DNAI1: variants seen among roughly 807,000 people sequenced by gnomAD.
The protein encoded by DNAI1 is dynein, axonemal, intermediate polypeptide 1.
In DNAI1, 67 loss-of-function variants were observed where a neutral mutation model predicts 92.0. That is an observed-to-expected ratio of 0.73 (90% confidence interval 0.60 to 0.89). The LOEUF is 0.89. Among genes scored for constraint, DNAI1 ranks in the 40% least tolerant of loss-of-function variants. DNAI1 has a pLI of 0.00. For missense variants in DNAI1, 839 were observed against 866.6 expected (o/e 0.97, Z 0.40); for synonymous variants, 323 against 319.6 (o/e 1.01, Z -0.11).
At chr9:34,472,826 C>T (rs1050483628) in intron 1 of DNAI1, among the ~76,000 whole-genome samples, 1 of 151,804 alleles carries the variant, frequency 6.6e-6, no homozygotes, top group African/African-American at 2.4e-5. Context: ...CCCTTGAGCC[C>T]AGGAGGTCAC....
In DNAI1 at chr9:34,517,387, C is replaced by T. The variant is rs747382351; in HGVS notation, c.1921C>T (p.His641Tyr). 4 of 1,614,086 alleles carry T rather than the reference C, an allele frequency of 2.5e-6. No individual in the cohort carries two copies. Among genetic ancestry groups the T allele is most frequent in the Admixed American group, 1.7e-5 (1 of 60,006 alleles). The change falls in exon 19 of 20, where the codon CAC (histidine) becomes TAC (tyrosine). Residue 641 changes from histidine to tyrosine, a missense_variant. Physicochemically the swap from His to Tyr is moderately conservative, Grantham distance 83. Coordinates refer to ENST00000242317, the MANE Select transcript of DNAI1 (RefSeq NM_012144.4). ...RLTHVQFNLI[H>Y]PIIIVGDDRG... is the part of the protein sequence containing the mutation. ...CACCCACGTGCAGTTCAATCTCATC[C>T]ACCCCATCATCATTGTGGGCGATGA...
chr9:34,486,331 T>C (rs1448278826), intron 4 of DNAI1, among the ~76,000 whole-genome samples: 1 of 152,208 alleles, frequency 6.6e-6, no homozygotes, highest in African/African-American at 2.4e-5. Context: ...ATTCTAATTT[T>C]ATGAAAACTT....
intron 7 of DNAI1, among the ~76,000 whole-genome samples, chr9:34,491,142 C>A (rs1824582856): frequency 1.3e-5 from 2 of 152,318 alleles, no homozygotes; most frequent in African/African-American, 2.4e-5. Context: ...CTTCTCAGGG[C>A]AAGGGGTGTT....
chr9:34,489,879 C>T (rs982617342), intron 5 of DNAI1, 133 bp from the exon 6 acceptor site: 8 of 1,399,842 alleles, frequency 5.7e-6, no homozygotes, highest in East Asian at 2.5e-5. Flanking sequence ...GCTGGTTGTC[C>T]TGAATAGGTC....
In DNAI1 at chr9:34,495,353, T is replaced by C. The variant is rs529775432; in HGVS notation, c.817-1762T>C. Among the ~76,000 whole-genome samples, 383 of 152,288 alleles carry C rather than the reference T, an allele frequency of 2.5e-3. 1 individual carries two copies. The highest frequency in any genetic ancestry group is 8.7e-3 in the African/African-American group (363 of 41,558). On this transcript the variant is annotated intron_variant, in intron 9 of 19. Coordinates refer to ENST00000242317, the MANE Select transcript of DNAI1 (RefSeq NM_012144.4). Reference sequence around the variant, plus strand: ...ACTGGGGAGGCACTGGCTCACTGTGTGGGTCTGAGAGCATGGACCCTGGAA... The same window carrying C: ...ACTGGGGAGGCACTGGCTCACTGTGCGGGTCTGAGAGCATGGACCCTGGAA...
chr9:34,517,516 A>T (rs373002858), intron 19 of DNAI1, 49 bp downstream of exon 19: 63 of 1,611,372 alleles, frequency 3.9e-5, no homozygotes, highest in Non-Finnish European at 5.2e-5. Context: ...AGTCTCCAGG[A>T]GGGTGGGGAT....
At chr9:34,461,404 T>C (rs922850411) in intron 1 of DNAI1, among the ~76,000 whole-genome samples, 1 of 152,262 alleles carries the variant, frequency 6.6e-6, no homozygotes, top group Non-Finnish European at 1.5e-5. Context: ...ACTCAAGATA[T>C]AGGATACTTT....
intron 4 of DNAI1, chr9:34,488,071 C>T: frequency 2.5e-6 from 1 of 395,498 alleles, no homozygotes; most frequent in South Asian, 1.9e-5. Flanking sequence ...GAATCTTCAT[C>T]ATGAAAATAG....
intron 9 of DNAI1, among the ~76,000 whole-genome samples, chr9:34,495,234 A>G (rs1247127399): frequency 6.6e-6 from 1 of 152,170 alleles, no homozygotes. Context: ...CCAGTAGCAT[A>G]GTATCTGGGA....
intron 1 of DNAI1, among the ~76,000 whole-genome samples, chr9:34,472,470 T>G (rs1464198077): frequency 1.3e-5 from 2 of 152,230 alleles, no homozygotes; most frequent in Non-Finnish European, 2.9e-5. Flanking sequence ...CAGGGAGGAA[T>G]GGGGCTGGTC....
At chr9:34,510,798 A>T (rs1587088473) in intron 13 of DNAI1, among the ~76,000 whole-genome samples, 1 of 152,082 alleles carries the variant, frequency 6.6e-6, no homozygotes, top group East Asian at 1.9e-4. Context: ...CCCCCTTTAA[A>T]GGGACCACCT....
intron 9 of DNAI1, among the ~76,000 whole-genome samples, chr9:34,496,113 G>A (rs1824717975): frequency 6.6e-6 from 1 of 152,132 alleles, no homozygotes. Flanking sequence ...GACCTGATGA[G>A]GCAGATGCCA....
intron 1 of DNAI1, among the ~76,000 whole-genome samples, chr9:34,461,199 A>C (rs1209310181): frequency 6.6e-6 from 1 of 151,112 alleles, no homozygotes; most frequent in Non-Finnish European, 1.5e-5. Context: ...CTGGTCTCGG[A>C]CTCCTGACCT....
At chr9:34,480,276 T>G (rs1348712443) in intron 1 of DNAI1, among the ~76,000 whole-genome samples, 3 of 93,678 alleles carry the variant, frequency 3.2e-5, no homozygotes, top group Non-Finnish European at 6.3e-5. Flanking sequence ...GTGGAACTTT[T>G]TTTTTTTTTT....
At chr9:34,501,212 C>T (rs1824825256) in intron 12 of DNAI1, 31 bp downstream of exon 12, 3 of 1,564,704 alleles carry the variant, frequency 1.9e-6, no homozygotes, top group Non-Finnish European at 2.6e-6. Flanking sequence ...TTTATTTGCT[C>T]ATGTAAACAG....
At chr9:34,512,279 G>A in intron 14 of DNAI1, 58 bp from the exon 15 acceptor site, 1 of 1,610,484 alleles carries the variant, frequency 6.2e-7, no homozygotes, top group South Asian at 1.1e-5. Flanking sequence ...CCCCAGCCTT[G>A]CTCATCTAGC....
At chr9:34,512,524 C>G in intron 15 of DNAI1, 100 bp downstream of exon 15, 2 of 1,150,258 alleles carry the variant, frequency 1.7e-6, no homozygotes, top group Admixed American at 2.0e-5. Flanking sequence ...TGCTCCCTCC[C>G]CAACCTGTGC....
chr9:34,492,493 G>GATAGATAGATAT (rs1554688186), intron 8 of DNAI1, among the ~76,000 whole-genome samples: 56 of 68,260 alleles, frequency 8.2e-4, no homozygotes, highest in African/African-American at 2.7e-3. Flanking sequence ...GGGATATGAA[G>GATAGATAGATAT]ATATATATAT....
At chr9:34,483,221 C>A (rs549169249) in intron 1 of DNAI1, among the ~76,000 whole-genome samples, 1 of 152,356 alleles carries the variant, frequency 6.6e-6, no homozygotes, top group East Asian at 1.9e-4. Flanking sequence ...CAGAAAGGGG[C>A]TCCCACAGTG....
Sources: allele counts gnomAD v4.1 joint callset (sites outside exome capture counted in the v4.1 genomes callset), GRCh38; gene constraint gnomAD v4.1.1; transcripts MANE v1.5; gene names NCBI Gene and HGNC (gene_info 2026-07-23, HGNC 2026-07-21).